PRIM2: variants seen among roughly 807,000 people sequenced by gnomAD.
PRIM2 encodes the protein DNA primase subunit 2, also known as DNA primase large subunit.
In PRIM2, 39 loss-of-function variants were observed where a neutral mutation model predicts 67.3. That is an observed-to-expected ratio of 0.58 (90% CI 0.45 to 0.76). PRIM2 has a LOEUF of 0.76. Ranked by LOEUF, PRIM2 falls within the 30% of genes least tolerant of loss-of-function variation. The probability of loss-of-function intolerance (pLI) is 0.00; values close to 1 mark genes in which losing one functional copy is unlikely to be tolerated. For synonymous variants in PRIM2, 143 were observed against 198.7 expected (o/e 0.72, Z 2.36); for missense variants, 398 against 598.7 (o/e 0.66, Z 3.50).
chr6:57,513,781 G>A (rs1774419834), intron 8 of PRIM2, among the ~76,000 whole-genome samples: 2 of 152,188 alleles, frequency 1.3e-5, no homozygotes, highest in African/African-American at 4.8e-5. Context: ...GGCTGAGGCA[G>A]GAGAATCACT....
chr6:57,598,328 G>T, intron 10 of PRIM2, among the ~76,000 whole-genome samples: 1 of 152,198 alleles, frequency 6.6e-6, no homozygotes, highest in East Asian at 1.9e-4. Context: ...ATAAATTTTT[G>T]ACTAAATCAG....
chr6:57,587,690 A>AAAG (rs1776218576), intron 10 of PRIM2, among the ~76,000 whole-genome samples: 3 of 130,458 alleles, frequency 2.3e-5, no homozygotes, highest in Admixed American at 7.5e-5. Flanking sequence ...AAAAAAAAAA[A>AAAG]AAAAGGCAGA....
At chr6:57,307,416 G>A in the PRIM2 span, among the ~76,000 whole-genome samples, 89 of 151,734 alleles carry the variant, frequency 5.9e-4, no homozygotes, top group African/African-American at 2.1e-3. Flanking sequence ...ACCACACCTG[G>A]CTAATTTTTT....
intron 3 of PRIM2, among the ~76,000 whole-genome samples, chr6:57,322,992 G>A (rs936827554): frequency 6.6e-6 from 1 of 152,134 alleles, no homozygotes; most frequent in Non-Finnish European, 1.5e-5. Context: ...CTCTGGACAA[G>A]CTTTGTGACC....
chr6:57,404,240 A>G (rs138660186), intron 7 of PRIM2, among the ~76,000 whole-genome samples: 5 of 93,254 alleles, frequency 5.4e-5, no homozygotes, highest in South Asian at 7.3e-4. Flanking sequence ...TCGAAACTCA[A>G]GTTCATTGCC....
At chr6:57,235,485 A>C in the PRIM2 span, among the ~76,000 whole-genome samples, 1 of 152,190 alleles carries the variant, frequency 6.6e-6, no homozygotes, top group Non-Finnish European at 1.5e-5. Context: ...AAATGAAAAA[A>C]ATGCTTAAAT....
chr6:57,335,094 G>A (rs1277007938), intron 5 of PRIM2, among the ~76,000 whole-genome samples: 2 of 152,226 alleles, frequency 1.3e-5, no homozygotes, highest in African/African-American at 2.4e-5. Flanking sequence ...CAAAGAAAGG[G>A]GTGACAGATG....
chr6:57,560,746 G>A (rs1775609947), intron 10 of PRIM2, among the ~76,000 whole-genome samples: 1 of 151,982 alleles, frequency 6.6e-6, no homozygotes, highest in Admixed American at 6.6e-5. Context: ...GTAATATTTT[G>A]TAAGGAATCC....
At chr6:57,603,138 A>T (rs1332162028) in intron 11 of PRIM2, among the ~76,000 whole-genome samples, 1 of 150,776 alleles carries the variant, frequency 6.6e-6, no homozygotes, top group South Asian at 2.1e-4. Flanking sequence ...CTCTTTTTTC[A>T]CCTTTTGGGA....
At chr6:57,295,346 A>G in the PRIM2 span, among the ~76,000 whole-genome samples, 4 of 130,070 alleles carry the variant, frequency 3.1e-5, no homozygotes, top group Middle Eastern at 3.3e-3. Flanking sequence ...TGAATTTTAT[A>G]AAAAAAAAAA....
intron 10 of PRIM2, among the ~76,000 whole-genome samples, chr6:57,538,006 A>G (rs1281120992): frequency 7.0e-6 from 1 of 142,876 alleles, no homozygotes; most frequent in African/African-American, 2.5e-5. Context: ...AGAATCTTTT[A>G]TAAACTTTTG....
chr6:57,377,403 A>G (rs558115563), intron 5 of PRIM2, among the ~76,000 whole-genome samples: 92 of 151,222 alleles, frequency 6.1e-4, no homozygotes, highest in Non-Finnish European at 1.0e-3. Flanking sequence ...TTACTGTTGT[A>G]TGCTGGAGAT....
the PRIM2 span, among the ~76,000 whole-genome samples, chr6:57,273,672 A>C: frequency 6.6e-6 from 1 of 152,242 alleles, no homozygotes; most frequent in Middle Eastern, 3.4e-3. Context: ...GCTGGTGAGG[A>C]GCTGCATTCC....
chr6:57,638,109 G>A (rs1322607381), intron 13 of PRIM2, among the ~76,000 whole-genome samples: 2 of 152,130 alleles, frequency 1.3e-5, no homozygotes, highest in African/African-American at 2.4e-5. Context: ...CATTCTTAAA[G>A]AAAAGAATTT....
intron 7 of PRIM2, among the ~76,000 whole-genome samples, chr6:57,466,348 C>T (rs34530602): frequency 4.6e-5 from 7 of 151,984 alleles, no homozygotes; most frequent in African/African-American, 9.7e-5. Flanking sequence ...GTAATGGGAT[C>T]GCTGGGTCAA....
chr6:57,291,694 A>T, the PRIM2 span, among the ~76,000 whole-genome samples: 25 of 152,334 alleles, frequency 1.6e-4, no homozygotes, highest in Middle Eastern at 0.014. Context: ...GGTTCAACAT[A>T]TGCAAATCAA....
At chr6:57,532,835 C>T (rs1399526576) in intron 9 of PRIM2, among the ~76,000 whole-genome samples, 4 of 152,196 alleles carry the variant, frequency 2.6e-5, no homozygotes, top group Middle Eastern at 3.4e-3. Flanking sequence ...GTCATGACAA[C>T]GGAAATTTAT....
chr6:57,309,471 C>T, the PRIM2 span, among the ~76,000 whole-genome samples: 1 of 151,946 alleles, frequency 6.6e-6, no homozygotes, highest in South Asian at 2.1e-4. Flanking sequence ...GACATGAACT[C>T]ATCATTTTTT....
At chr6:57,594,385 G>A (rs1776330843) in intron 10 of PRIM2, among the ~76,000 whole-genome samples, 1 of 152,156 alleles carries the variant, frequency 6.6e-6, no homozygotes, top group Admixed American at 6.5e-5. Context: ...GAACAAAGTA[G>A]GACTCACTTA....
Sources: gnomAD v4.1 joint callset for allele counts (sites outside exome capture counted in the v4.1 genomes callset) on GRCh38, gnomAD v4.1.1 for gene constraint, MANE v1.5 for transcripts, NCBI Gene and HGNC (gene_info 2026-07-23, HGNC 2026-07-21) for gene names.